MCC: variants seen among roughly 807,000 people sequenced by gnomAD.
The protein encoded by MCC is MCC regulator of Wnt signaling pathway.
MCC carries 90 observed loss-of-function variants against 116.2 expected under a neutral mutation model. That is an observed-to-expected ratio of 0.77 (90% CI 0.65 to 0.92). MCC has a LOEUF of 0.92. Ranked by LOEUF, MCC falls within the 40% of genes least tolerant of loss-of-function variation. MCC has a pLI of 0.00. For synonymous variants in MCC, 578 were observed against 510.5 expected, an observed-to-expected ratio of 1.13 and a Z score of -1.78; for missense variants, 1,516 against 1,312.2, an observed-to-expected ratio of 1.16 and a Z score of -2.40.
intron 3 of MCC, among the ~76,000 whole-genome samples, chr5:113,214,637 A>T (rs1479693380): frequency 6.6e-6 from 1 of 151,644 alleles, no homozygotes; most frequent in Non-Finnish European, 1.5e-5. Context: ...GCTCTACACC[A>T]CTCCAACTTT....
intron 17 of MCC, among the ~76,000 whole-genome samples, chr5:113,037,921 G>A (rs185203136): frequency 4.2e-4 from 64 of 152,258 alleles, no homozygotes; most frequent in Admixed American, 3.3e-3. Flanking sequence ...AGGGACCTAC[G>A]GACAATCTTG....
intron 3 of MCC, among the ~76,000 whole-genome samples, chr5:113,220,063 C>CTT (rs70973676): frequency 0.066 from 4,850 of 73,756 alleles, 359 homozygotes; most frequent in African/African-American, 0.13. Flanking sequence ...ATTTCTTTTT[C>CTT]TTTTTTTTTT....
At chr5:113,121,206 C>A (rs781322379) in intron 6 of MCC, among the ~76,000 whole-genome samples, 1 of 152,214 alleles carries the variant, frequency 6.6e-6, no homozygotes, top group Non-Finnish European at 1.5e-5. Flanking sequence ...TCCAAGCTAG[C>A]CTCCCCAACT....
chr5:113,077,393 C>T (rs918711472), intron 11 of MCC, among the ~76,000 whole-genome samples: 12 of 152,126 alleles, frequency 7.9e-5, no homozygotes, highest in African/African-American at 1.7e-4. Context: ...CAAAATTGAC[C>T]GTGTAGTTAG....
chr5:113,136,832 A>C (rs1436233856), intron 5 of MCC, among the ~76,000 whole-genome samples: 2 of 152,096 alleles, frequency 1.3e-5, no homozygotes, highest in Non-Finnish European at 2.9e-5. Flanking sequence ...CTTCCTTTCC[A>C]ATTTGGATGC....
intron 5 of MCC, among the ~76,000 whole-genome samples, chr5:113,132,439 TATATACACACACACACACACACACAC>T (rs1561385133): frequency 1.1e-4 from 7 of 63,976 alleles, no homozygotes; most frequent in South Asian, 1.3e-3. Flanking sequence ...TATATATATA[TATATACACACACACACACACACACAC>T]ACACACACAC....
At chr5:113,159,448 A>T (rs1427383251) in intron 3 of MCC, among the ~76,000 whole-genome samples, 2 of 152,212 alleles carry the variant, frequency 1.3e-5, no homozygotes, top group African/African-American at 2.4e-5. Flanking sequence ...CATCTAGTCC[A>T]ATTCCTTCAT....
intron 1 of MCC, among the ~76,000 whole-genome samples, chr5:113,413,665 C>A (rs1167287502): frequency 6.6e-6 from 1 of 151,918 alleles, no homozygotes; most frequent in Non-Finnish European, 1.5e-5. Flanking sequence ...TCTCTCTTTT[C>A]TTCTTTATTA....
At chr5:113,126,602 A>G (rs1758066818) in intron 5 of MCC, among the ~76,000 whole-genome samples, 1 of 152,252 alleles carries the variant, frequency 6.6e-6, no homozygotes, top group African/African-American at 2.4e-5. Flanking sequence ...AACTTTTTTT[A>G]AGGTATGTCA....
chr5:113,074,194 G>A (rs765808832), intron 11 of MCC, among the ~76,000 whole-genome samples: 1 of 152,218 alleles, frequency 6.6e-6, no homozygotes, highest in Admixed American at 6.5e-5. Context: ...CCAGAGGAAG[G>A]ATCAGGCAGC....
At chr5:113,166,790 G>C (rs1760798037) in intron 3 of MCC, among the ~76,000 whole-genome samples, 2 of 151,836 alleles carry the variant, frequency 1.3e-5, no homozygotes, top group African/African-American at 4.8e-5. Context: ...ATTTGAAATG[G>C]GATGATTTTG....
At chr5:113,085,092 G>T in intron 9 of MCC, 72 bp downstream of exon 9, 1 of 1,603,810 alleles carries the variant, frequency 6.2e-7, no homozygotes, top group Non-Finnish European at 8.5e-7. Flanking sequence ...CTGTACAGTG[G>T]CTAGGATGAG....
chr5:113,419,370 T>G (rs902764542), intron 1 of MCC, among the ~76,000 whole-genome samples: 1 of 151,406 alleles, frequency 6.6e-6, no homozygotes, highest in Non-Finnish European at 1.5e-5. Flanking sequence ...TTTTTCTTTT[T>G]TTTTTCTTGG....
At chr5:113,428,870 T>A (rs1241096439) in intron 1 of MCC, 1 of 152,204 alleles carries the variant, frequency 6.6e-6, no homozygotes, top group East Asian at 1.9e-4. Context: ...AATTTAGCCA[T>A]CTTAATAGAA....
intron 2 of MCC, among the ~76,000 whole-genome samples, chr5:113,356,279 C>T (rs1486220626): frequency 2.6e-5 from 4 of 151,254 alleles, no homozygotes; most frequent in African/African-American, 9.7e-5. Flanking sequence ...TCAGGTGATC[C>T]TCGTGCCTCG....
At chr5:113,401,642 A>G (rs1050978982) in intron 1 of MCC, among the ~76,000 whole-genome samples, 1 of 152,090 alleles carries the variant, frequency 6.6e-6, no homozygotes, top group Admixed American at 6.5e-5. Flanking sequence ...TGTTGCATTC[A>G]TACTGAGAAT....
Position 113,068,088 on chromosome 5 carries a change from G to C in MCC, c.2021C>G (p.Ser674Cys), listed in dbSNP as rs927158832. The change falls in exon 13 of 19, where the codon TCC becomes TGC. Residue 674 changes from serine to cysteine, a missense_variant. Physicochemically the swap from Ser to Cys is moderately radical, Grantham distance 112. Coordinates refer to ENST00000408903, the MANE Select transcript of MCC (RefSeq NM_001085377.2). ...LGQFRAAGVG[S>C]SPGDQSGDEN... ...ACTCTGGAGACACTTACCAGGGGAG[G>C]ACCCCACGCCCGCCGCTCGGAACTG... 6.2e-7 allele frequency: 1 copy of C among 1,613,940 alleles called. No homozygotes were observed.
intron 1 of MCC, among the ~76,000 whole-genome samples, chr5:113,458,709 AC>A (rs940893437): frequency 6.6e-6 from 1 of 152,220 alleles, no homozygotes; most frequent in African/African-American, 2.4e-5. Flanking sequence ...TGGGCTACTG[AC>A]CTGAGCTGCT....
chr5:113,383,982 T>A (rs2150393127), intron 2 of MCC, among the ~76,000 whole-genome samples: 2 of 152,294 alleles, frequency 1.3e-5, no homozygotes, highest in East Asian at 3.9e-4. Context: ...AAAGACACAT[T>A]TTCAAGGAAA....
Sources: gnomAD v4.1 joint callset for allele counts (sites outside exome capture counted in the v4.1 genomes callset) on GRCh38, gnomAD v4.1.1 for gene constraint, MANE v1.5 for transcripts, NCBI Gene and HGNC (gene_info 2026-07-23, HGNC 2026-07-21) for gene names.